EXOC6B: variants seen among roughly 807,000 people sequenced by gnomAD.
EXOC6B encodes the protein SEC15 homolog B.
In EXOC6B, 54 loss-of-function variants were observed where a neutral mutation model predicts 113.5. The observed-to-expected ratio is 0.48, with a 90% confidence interval of 0.38 to 0.60. The LOEUF (loss-of-function observed/expected upper bound fraction) is 0.60. Ranked by LOEUF, EXOC6B falls within the 20% of genes least tolerant of loss-of-function variation. EXOC6B has a pLI of 0.00. For missense variants in EXOC6B, 797 were observed against 977.5 expected (o/e 0.82, Z 2.46); for synonymous variants, 357 against 339.0 (o/e 1.05, Z -0.58).
At chr2:72,654,116 C>G (rs1209608738) in intron 6 of EXOC6B, among the ~76,000 whole-genome samples, 5 of 151,918 alleles carry the variant, frequency 3.3e-5, no homozygotes, top group Non-Finnish European at 7.4e-5. Context: ...ACTATAGGCG[C>G]CCACCATCGC....
intron 18 of EXOC6B, among the ~76,000 whole-genome samples, chr2:72,422,455 A>G (rs1694947244): frequency 6.6e-6 from 1 of 150,900 alleles, no homozygotes; most frequent in South Asian, 2.1e-4. Flanking sequence ...TAGCTCAGGG[A>G]TTGTAAATAC....
At chr2:72,447,386 T>C (rs1013758428) in intron 18 of EXOC6B, among the ~76,000 whole-genome samples, 1 of 152,180 alleles carries the variant, frequency 6.6e-6, no homozygotes, top group Non-Finnish European at 1.5e-5. Flanking sequence ...ACCTAGCAAT[T>C]ATCTTGTAAT....
At chr2:72,723,542 A>G (rs1489279805) in intron 5 of EXOC6B, among the ~76,000 whole-genome samples, 2 of 152,198 alleles carry the variant, frequency 1.3e-5, no homozygotes, top group South Asian at 2.1e-4. Flanking sequence ...GCAACTATCT[A>G]TAAGAAATTT....
At chr2:72,801,043 G>T (rs1685246454) in intron 1 of EXOC6B, among the ~76,000 whole-genome samples, 1 of 152,128 alleles carries the variant, frequency 6.6e-6, no homozygotes, top group Non-Finnish European at 1.5e-5. Context: ...CAGTGCTTAG[G>T]AATATCAGAA....
chr2:72,490,061 G>A (rs1210004157), intron 16 of EXOC6B, among the ~76,000 whole-genome samples: 1 of 151,988 alleles, frequency 6.6e-6, no homozygotes, highest in East Asian at 1.9e-4. Flanking sequence ...TGCTGAAATA[G>A]GAATCTGTAA....
intron 7 of EXOC6B, among the ~76,000 whole-genome samples, chr2:72,561,355 T>C (rs1414126265): frequency 1.3e-5 from 2 of 152,148 alleles, no homozygotes; most frequent in Non-Finnish European, 2.9e-5. Flanking sequence ...TTTTCTTTTA[T>C]TTAGAATTAA....
Position 72,427,707 on chromosome 2 carries a change from G to A in EXOC6B, c.1980+37453C>T, listed in dbSNP as rs377149062. Among the ~76,000 whole-genome samples, 10 of 152,308 alleles carry A rather than the reference G, an allele frequency of 6.6e-5. No homozygotes were observed. In the South Asian group the frequency reaches 2.1e-3, roughly 32 times the overall value. ...GTGCCATGGTCGGCAGCAGGGGGCAGACGGGCACCCTGGTGGAAGGGGGCG... is the reference window on the plus strand; with the variant it reads ...GTGCCATGGTCGGCAGCAGGGGGCAAACGGGCACCCTGGTGGAAGGGGGCG... On this transcript the variant is annotated intron_variant, in intron 18 of 21. Coordinates refer to ENST00000272427, the MANE Select transcript of EXOC6B (RefSeq NM_015189.3).
At chr2:72,243,358 G>A (rs1460714182) in intron 20 of EXOC6B, among the ~76,000 whole-genome samples, 1 of 152,270 alleles carries the variant, frequency 6.6e-6, no homozygotes, top group Non-Finnish European at 1.5e-5. Flanking sequence ...ATCCATCAAT[G>A]ATAGACTGGA....
chr2:72,287,287 C>T (rs900540004), intron 20 of EXOC6B, among the ~76,000 whole-genome samples: 1 of 151,316 alleles, frequency 6.6e-6, no homozygotes, highest in African/African-American at 2.4e-5. Context: ...TAAAATTAGC[C>T]GGGCGTGGTG....
At chr2:72,346,376 A>C (rs899395491) in intron 19 of EXOC6B, among the ~76,000 whole-genome samples, 24 of 152,198 alleles carry the variant, frequency 1.6e-4, no homozygotes, top group Non-Finnish European at 2.8e-4. Flanking sequence ...AGGCACTTGC[A>C]GTGAGTGACT....
intron 20 of EXOC6B, among the ~76,000 whole-genome samples, chr2:72,215,042 G>A (rs911113838): frequency 6.6e-6 from 1 of 152,172 alleles, no homozygotes; most frequent in Non-Finnish European, 1.5e-5. Flanking sequence ...TTAATCATAA[G>A]AGTCTGGCTT....
At chr2:72,334,199 T>C (rs1688564344) in intron 20 of EXOC6B, among the ~76,000 whole-genome samples, 2 of 151,992 alleles carry the variant, frequency 1.3e-5, no homozygotes, top group Admixed American at 1.3e-4. Flanking sequence ...GTTAACTCTC[T>C]CCCTCACTAG....
chr2:72,715,414 G>C (rs1233504576), intron 6 of EXOC6B, among the ~76,000 whole-genome samples: 1 of 147,980 alleles, frequency 6.8e-6, no homozygotes, highest in East Asian at 1.9e-4. Context: ...TACTTCAGAA[G>C]TATACATTTA....
At chr2:72,472,982 A>G (rs597799) in intron 17 of EXOC6B, among the ~76,000 whole-genome samples, 23,881 of 151,982 alleles carry the variant, frequency 0.16, 2,611 homozygotes, top group African/African-American at 0.31. Context: ...TATTTGTATC[A>G]TTTCCAATGT....
chr2:72,634,278 G>A (rs1351960007), intron 6 of EXOC6B, among the ~76,000 whole-genome samples: 1 of 152,118 alleles, frequency 6.6e-6, no homozygotes, highest in African/African-American at 2.4e-5. Context: ...TTTTGTAAGA[G>A]CTGTAAAAAA....
intron 6 of EXOC6B, among the ~76,000 whole-genome samples, chr2:72,590,072 G>C (rs1461112641): frequency 2.0e-5 from 3 of 151,936 alleles, no homozygotes; most frequent in African/African-American, 7.2e-5. Flanking sequence ...CTCCTATCCT[G>C]TAAATTACCT....
chr2:72,743,899 G>A (rs1447349792), intron 1 of EXOC6B, among the ~76,000 whole-genome samples: 1 of 152,148 alleles, frequency 6.6e-6, no homozygotes, highest in Non-Finnish European at 1.5e-5. Flanking sequence ...AGTAGCCATA[G>A]ATGAAAGGAA....
At chr2:72,688,609 A>C (rs1297820497) in intron 6 of EXOC6B, among the ~76,000 whole-genome samples, 2 of 152,142 alleles carry the variant, frequency 1.3e-5, no homozygotes, top group East Asian at 3.9e-4. Context: ...CTTCCAGAGA[A>C]AGCCCTTTGG....
intron 11 of EXOC6B, among the ~76,000 whole-genome samples, chr2:72,511,931 T>C (rs976507464): frequency 1.2e-4 from 19 of 152,144 alleles, no homozygotes; most frequent in African/African-American, 4.3e-4. Flanking sequence ...AGATGGATAC[T>C]ACAGTCACTT....
Sources: allele counts gnomAD v4.1 joint callset (sites outside exome capture counted in the v4.1 genomes callset), GRCh38; gene constraint gnomAD v4.1.1; transcripts MANE v1.5; gene names NCBI Gene and HGNC (gene_info 2026-07-23, HGNC 2026-07-21).